Variants in PTGR1 observed in about 807,000 individuals in gnomAD.
The protein encoded by PTGR1 is 15-oxoprostaglandin 13-reductase.
In PTGR1, 23 loss-of-function variants were observed where a neutral mutation model predicts 37.7. That is an observed-to-expected ratio of 0.61 (90% CI 0.44 to 0.86). The LOEUF (loss-of-function observed/expected upper bound fraction) is 0.86. PTGR1 is among the 40% of genes least tolerant of loss of function. The pLI is 0.00. For synonymous variants in PTGR1, 134 were observed against 140.0 expected, an observed-to-expected ratio of 0.96 and a Z score of 0.30; for missense variants, 351 against 394.3, an observed-to-expected ratio of 0.89 and a Z score of 0.93.
chr9:111,579,036 G>T, intron 6 of PTGR1, 85 bp from the exon 7 acceptor site: 2 of 1,337,494 alleles, frequency 1.5e-6, no homozygotes, highest in Non-Finnish European at 1.0e-6. Flanking sequence ...GTATGCCTAG[G>T]TTCCCTAGGA....
chr9:111,575,873 G>A (rs1377855496), intron 7 of PTGR1, among the ~76,000 whole-genome samples: 1 of 151,768 alleles, frequency 6.6e-6, no homozygotes, highest in Non-Finnish European at 1.5e-5. Context: ...AAAGCTCAAG[G>A]AACAAAAGAA....
At chr9:111,572,504 C>T (rs189286038) in intron 8 of PTGR1, among the ~76,000 whole-genome samples, 237 of 152,170 alleles carry the variant, frequency 1.6e-3, no homozygotes, top group Middle Eastern at 3.4e-3. Flanking sequence ...GCAGGAGAAT[C>T]GCTTGAACCG....
At chr9:111,550,917 A>G (rs1564602571) in intron 9 of PTGR1, among the ~76,000 whole-genome samples, 1 of 151,840 alleles carries the variant, frequency 6.6e-6, no homozygotes, top group Admixed American at 6.6e-5. Context: ...AGTTGTTTTC[A>G]CCTGTTTTCT....
chr9:111,549,948 G>A, intron 9 of PTGR1: 1 of 550,852 alleles, frequency 1.8e-6, no homozygotes, highest in Non-Finnish European at 3.2e-6. Context: ...TTGTTTCTTT[G>A]TATGCATCGT....
chr9:111,553,116 C>T (rs1299743945), intron 9 of PTGR1, among the ~76,000 whole-genome samples: 2 of 152,262 alleles, frequency 1.3e-5, no homozygotes, highest in East Asian at 3.9e-4. Flanking sequence ...GACTTACACT[C>T]ACTAAATGGT....
downstream of PTGR1, among the ~76,000 whole-genome samples, chr9:111,560,087 C>T (rs943266444): frequency 7.3e-5 from 11 of 150,632 alleles, no homozygotes; most frequent in Admixed American, 6.6e-4. Flanking sequence ...TCCCAAAGTG[C>T]CTCATCCCAG....
At chr9:111,566,175 C>T (rs943011298) in intron 9 of PTGR1, among the ~76,000 whole-genome samples, 3 of 152,008 alleles carry the variant, frequency 2.0e-5, no homozygotes, top group African/African-American at 7.2e-5. Flanking sequence ...TGCACTCCAG[C>T]CTGGACGACA....
At chr9:111,577,796 G>C (rs1022726913) in intron 7 of PTGR1, 1 of 152,216 alleles carries the variant, frequency 6.6e-6, no homozygotes, top group Non-Finnish European at 1.5e-5. Context: ...AGTGAGCCAC[G>C]ATCACACCAC....
downstream of PTGR1, among the ~76,000 whole-genome samples, chr9:111,560,976 G>T (rs10980945): frequency 0.34 from 3,701 of 10,940 alleles, 124 homozygotes; most frequent in African/African-American, 0.36. Flanking sequence ...TATATATATA[G>T]AGAGAGAGAG....
intron 4 of PTGR1, among the ~76,000 whole-genome samples, chr9:111,587,766 CATA>C (rs1829483447): frequency 1.3e-5 from 2 of 152,228 alleles, no homozygotes; most frequent in African/African-American, 4.8e-5. Flanking sequence ...TACATATTTA[CATA>C]ATTGAAGTAA....
rs896942414 is a variant in PTGR1, at chr9:111,556,358, TG to T, written c.880-6560del. 3.9e-5 allele frequency among the ~76,000 whole-genome samples: 6 copies of T among 152,270 alleles called. 1 individual carries two copies. The highest frequency in any genetic ancestry group is 1.4e-4 in the African/African-American group (6 of 41,466). On this transcript the variant is annotated intron_variant, in intron 9 of 9. Transcript: ENST00000538962. ...CCAGGTGCATGGCACAAGCTGTTGGTGGATCTACCATTCTGGGGTATGGAGG... is the reference window on the plus strand; with the variant it reads ...CCAGGTGCATGGCACAAGCTGTTGGTGATCTACCATTCTGGGGTATGGAGG...
At chr9:111,592,752 T>A in intron 4 of PTGR1, 174 bp downstream of exon 4, 1 of 828,506 alleles carries the variant, frequency 1.2e-6, no homozygotes, top group Non-Finnish European at 1.7e-6. Context: ...CATCCTTCCC[T>A]CCTTTCCAGC....
intron 1 of PTGR1, 43 bp from the exon 2 acceptor site, chr9:111,597,475 G>T: frequency 8.0e-7 from 1 of 1,246,540 alleles, no homozygotes; most frequent in South Asian, 1.3e-5. Flanking sequence ...TGAAGTGACT[G>T]CATTCTAACA....
chr9:111,571,492 A>G (rs1828818031), intron 8 of PTGR1, among the ~76,000 whole-genome samples: 1 of 149,434 alleles, frequency 6.7e-6, no homozygotes. Context: ...GTCGTTTTTA[A>G]TTTGAGACAG....
intron 4 of PTGR1, among the ~76,000 whole-genome samples, chr9:111,591,539 T>C (rs1270364023): frequency 6.6e-6 from 1 of 151,604 alleles, no homozygotes; most frequent in African/African-American, 2.4e-5. Flanking sequence ...CCAGTTAATT[T>C]TTGTTTTTTT....
chr9:111,568,823 C>A (rs1265560839), intron 9 of PTGR1, among the ~76,000 whole-genome samples: 1 of 152,108 alleles, frequency 6.6e-6, no homozygotes, highest in Non-Finnish European at 1.5e-5. Flanking sequence ...GGCAGGTTCC[C>A]CCGATACACT....
chr9:111,555,610 T>TA (rs556123750), intron 9 of PTGR1, among the ~76,000 whole-genome samples: 80 of 152,240 alleles, frequency 5.3e-4, no homozygotes, highest in Non-Finnish European at 9.6e-4. Context: ...CTCAGGAACT[T>TA]ACAGTCATGG....
At chr9:111,568,234 C>T (rs1828658487) in intron 9 of PTGR1, among the ~76,000 whole-genome samples, 2 of 152,090 alleles carry the variant, frequency 1.3e-5, no homozygotes, top group Admixed American at 1.3e-4. Flanking sequence ...AATTCTTTTC[C>T]TAGCAAGGAA....
chr9:111,563,263 T>C, intron 9 of PTGR1, 32 bp from the exon 10 acceptor site: 2 of 1,583,620 alleles, frequency 1.3e-6, no homozygotes, highest in Non-Finnish European at 1.7e-6. Context: ...TTTTAAAACT[T>C]AATTTAATAT....
Sources: allele counts gnomAD v4.1 joint callset (sites outside exome capture counted in the v4.1 genomes callset), GRCh38; gene constraint gnomAD v4.1.1; transcripts MANE v1.5; gene names NCBI Gene and HGNC (gene_info 2026-07-23, HGNC 2026-07-21).